Variants in TJP1 observed in about 807,000 individuals in gnomAD.
TJP1 encodes the protein tight junction protein ZO-1.
TJP1 carries 43 observed loss-of-function variants against 194.2 expected under a neutral mutation model. The ratio of observed to expected loss-of-function variants is 0.22; its 90% CI spans 0.17 to 0.29. The LOEUF (loss-of-function observed/expected upper bound fraction) is 0.29, where lower values mean the gene tolerates loss of function less well. TJP1 is among the 10% of genes least tolerant of loss of function. The pLI is 1.00. For missense variants in TJP1, 1,971 were observed against 2,185.7 expected (o/e 0.90, Z 1.96); for synonymous variants, 801 against 779.0 (o/e 1.03, Z -0.47).
rs970392623 is a variant in TJP1, at chr15:29,820,413, T to G, written c.27+1589A>C. 2.7e-4 allele frequency: 175 copies of G among 659,438 alleles called. 1 individual carries two copies. Among genetic ancestry groups the G allele is most frequent in the Non-Finnish European group, 6.4e-5 (23 of 361,430 alleles). 40.8% of individuals were successfully genotyped at this position (659,438 alleles called of 1,614,324 possible). A position where few individuals can be genotyped will look rare whatever the true frequency, so the allele number is the denominator to read the frequency against. ...AAAAAGCTTTCAACTTGCCCTTTAC[T>G]CGCAAATGTTTACAATGCAAAAAAG... On this transcript the variant is annotated intron_variant, in intron 1 of 27. Transcript: ENST00000614355.
intron 8 of TJP1, among the ~76,000 whole-genome samples, chr15:29,744,952 T>C (rs999118249): frequency 1.3e-5 from 2 of 152,166 alleles, no homozygotes; most frequent in African/African-American, 4.8e-5. Context: ...ATTAGAAGAC[T>C]ATCATCAGGG....
chr15:29,924,433 T>A (rs1299792414), intron 2 of TJP1, among the ~76,000 whole-genome samples: 2 of 152,152 alleles, frequency 1.3e-5, no homozygotes, highest in East Asian at 3.9e-4. Context: ...GAAGAATCAA[T>A]AAACCATAAT....
rs570152223 is a variant in TJP1, at chr15:29,791,411, T to C, written c.84+9235A>G. Among the ~76,000 whole-genome samples the C allele has an allele frequency of 2.4e-5, 3 of 126,506 alleles. No individual in the cohort carries two copies. In the East Asian group the frequency reaches 7.1e-4, roughly 30 times the overall value. 83.0% of individuals were successfully genotyped at this position (126,506 alleles called of 152,430 possible). A position where few individuals can be genotyped will look rare whatever the true frequency, so the allele number is the denominator to read the frequency against. On this transcript the variant is annotated intron_variant, in intron 2 of 27. Coordinates refer to ENST00000614355, the MANE Select transcript of TJP1 (RefSeq NM_001330239.4). ...CAGTTTTTGAGGAGCCTCCATAATA[T>C]TCTTTTTTTTTTTTTTTTTTTTTTT...
chr15:29,774,026 C>T (rs1292822146), intron 2 of TJP1, among the ~76,000 whole-genome samples: 1 of 152,116 alleles, frequency 6.6e-6, no homozygotes, highest in Non-Finnish European at 1.5e-5. Context: ...AAATATTTTC[C>T]AGGTTGTTAA....
At chr15:29,949,899 C>CCTT (rs2055591563) in intron 2 of TJP1, among the ~76,000 whole-genome samples, 2 of 102,890 alleles carry the variant, frequency 1.9e-5, no homozygotes, top group South Asian at 3.7e-4. Context: ...TCCACCTCCA[C>CCTT]AACCACCACC....
intron 8 of TJP1, among the ~76,000 whole-genome samples, chr15:29,753,299 C>T (rs1010652607): frequency 6.6e-6 from 1 of 151,474 alleles, no homozygotes; most frequent in Non-Finnish European, 1.5e-5. Context: ...CTGGCTAACA[C>T]AGTGAAACCC....
At chr15:29,752,155 T>G (rs1035987355) in intron 8 of TJP1, among the ~76,000 whole-genome samples, 1 of 151,196 alleles carries the variant, frequency 6.6e-6, no homozygotes, top group Non-Finnish European at 1.5e-5. Flanking sequence ...CAGGCTGGAG[T>G]GCAGTGGCAT....
intron 2 of TJP1, among the ~76,000 whole-genome samples, chr15:29,935,525 T>C (rs1051151133): frequency 1.3e-5 from 2 of 152,130 alleles, no homozygotes; most frequent in African/African-American, 2.4e-5. Context: ...TCACCACCTA[T>C]GGTCATTACA....
intron 1 of TJP1, among the ~76,000 whole-genome samples, chr15:29,957,606 G>A (rs1458857011): frequency 6.6e-6 from 1 of 152,068 alleles, no homozygotes; most frequent in Non-Finnish European, 1.5e-5. Context: ...TCTTTTTAAT[G>A]GCTAAATGGT....
At chr15:29,784,835 T>C (rs775769217) in intron 2 of TJP1, among the ~76,000 whole-genome samples, 3 of 152,168 alleles carry the variant, frequency 2.0e-5, no homozygotes, top group African/African-American at 7.2e-5. Context: ...GGTTAAATGA[T>C]GTAACAGCTA....
rs150490599 is a variant in TJP1, at chr15:29,849,866, C to A, written c.307-49164G>T. On this transcript the variant is annotated intron_variant, in intron 2 of 28. Coordinates refer to the TJP1 transcript ENST00000356107. ...CTGGGATTGTAGACGCGAACCACCA[C>A]GCCTGGCCATTAGTGACTCACTTCT... Among the ~76,000 whole-genome samples the A allele has an allele frequency of 2.6e-5, 4 of 152,050 alleles. No homozygotes were observed. The South Asian group carries it at 8.3e-4, about 32-fold the overall frequency.
At chr15:29,864,110 C>T (rs1207122709) in intron 2 of TJP1, among the ~76,000 whole-genome samples, 2 of 151,488 alleles carry the variant, frequency 1.3e-5, no homozygotes, top group East Asian at 1.9e-4. Flanking sequence ...AAAGTTGTAC[C>T]CGGCCGGGCG....
intron 15 of TJP1, chr15:29,729,078 A>G (rs1195945041): frequency 6.6e-6 from 1 of 152,216 alleles, no homozygotes; most frequent in African/African-American, 2.4e-5. Context: ...CCCATATCTA[A>G]AAATCCTAAG....
At chr15:29,891,406 G>A (rs573682203) in intron 2 of TJP1, among the ~76,000 whole-genome samples, 3 of 152,264 alleles carry the variant, frequency 2.0e-5, no homozygotes, top group African/African-American at 7.2e-5. Flanking sequence ...CTGAAAAAAG[G>A]GGATTCCCTG....
At chr15:29,763,091 G>A (rs2046110671) in intron 5 of TJP1, among the ~76,000 whole-genome samples, 1 of 152,130 alleles carries the variant, frequency 6.6e-6, no homozygotes, top group Non-Finnish European at 1.5e-5. Flanking sequence ...CATGTACTAA[G>A]CATGAGTGCA....
chr15:29,772,002 C>T (rs2046719000), intron 4 of TJP1, 62 bp downstream of exon 4: 1 of 1,039,934 alleles, frequency 9.6e-7, no homozygotes, highest in Non-Finnish European at 1.4e-6. Flanking sequence ...ATTCAAATAC[C>T]AGAAATGTAT....
intron 2 of TJP1, among the ~76,000 whole-genome samples, chr15:29,926,204 TA>T (rs2054518376): frequency 6.6e-6 from 1 of 152,248 alleles, no homozygotes; most frequent in Admixed American, 6.5e-5. Flanking sequence ...CTAGAGTTTA[TA>T]AGCAAAAGCT....
chr15:29,881,897 T>C (rs1348677800), intron 2 of TJP1, among the ~76,000 whole-genome samples: 1 of 151,950 alleles, frequency 6.6e-6, no homozygotes, highest in African/African-American at 2.4e-5. Flanking sequence ...GGATGTTTAT[T>C]TGCAAAGAGT....
At position 29,780,549 on chromosome 15, in the gene TJP1, C is replaced by T. The variant is rs533661621; in HGVS notation, c.85-7192G>A. ...CTCAGTTCCTAACAGGCCAAAGATC[C>T]GTACATCTCTGTGGCCTGGGGGATG... On this transcript the variant is annotated intron_variant, in intron 2 of 27. Coordinates refer to ENST00000614355, the MANE Select transcript of TJP1 (RefSeq NM_001330239.4). Among the ~76,000 whole-genome samples the T allele has an allele frequency of 2.2e-4, 34 of 152,236 alleles. 1 individual carries two copies. The highest frequency in any genetic ancestry group is 2.6e-4 in the Admixed American group (4 of 15,292).
Sources: gnomAD v4.1 joint callset for allele counts (sites outside exome capture counted in the v4.1 genomes callset) on GRCh38, gnomAD v4.1.1 for gene constraint, MANE v1.5 for transcripts, NCBI Gene and HGNC (gene_info 2026-07-23, HGNC 2026-07-21) for gene names.